USP49: variants seen among roughly 807,000 people sequenced by gnomAD.
The protein encoded by USP49 is ubiquitin specific peptidase 49, also known as ubiquitin carboxyl-terminal hydrolase 49.
A neutral mutation model predicts 58.6 loss-of-function variants in USP49; 24 were observed. The observed-to-expected ratio is 0.41, with a 90% confidence interval of 0.30 to 0.58. USP49 has a LOEUF of 0.58. Ranked by LOEUF, USP49 falls within the 20% of genes least tolerant of loss-of-function variation. The pLI is 0.30. For missense variants in USP49, 703 were observed against 866.1 expected (o/e 0.81, Z 2.36); for synonymous variants, 408 against 365.1 (o/e 1.12, Z -1.34).
chr6:41,805,950 A>T lies in USP49; in HGVS notation c.1034T>A (p.Ile345Asn). 7 of 1,613,776 alleles carry T rather than the reference A, an allele frequency of 4.3e-6. No homozygotes were observed. Among genetic ancestry groups the T allele is most frequent in the Non-Finnish European group, 5.1e-6 (6 of 1,179,992 alleles). ...RASISRSLELIQNKEPSSKHI... is the reference protein window; with the variant it reads ...RASISRSLELNQNKEPSSKHI... The stretch of plus-strand genomic sequence containing the variant: ...CTTTGAACTCGGCTCCTTGTTCTGG[A>T]TGAGCTCCAGACTCCGACTAATGGA... The change falls in exon 4 of 8, where the codon ATC becomes AAC. Residue 345 changes from isoleucine to asparagine, a missense_variant. Ile to Asn is a moderately radical substitution (Grantham distance 149, BLOSUM62 -3). This residue lies in a region of USP49 where 97 missense variants were observed against 88.0 expected (regional missense o/e 1.10). Transcript: ENST00000682992.
At chr6:41,872,052 G>A (rs2127359606) in intron 2 of USP49, among the ~76,000 whole-genome samples, 1 of 152,368 alleles carries the variant, frequency 6.6e-6, no homozygotes, top group South Asian at 2.1e-4. Flanking sequence ...AAGATGGCAT[G>A]AGGTGGTGAC....
chr6:41,827,099 CA>C (rs2127338770), intron 3 of USP49, among the ~76,000 whole-genome samples: 1 of 152,276 alleles, frequency 6.6e-6, no homozygotes, highest in African/African-American at 2.4e-5. Context: ...CAACCAAACT[CA>C]AATACTAGTT....
At chr6:41,802,264 C>T (rs1367148856) in intron 5 of USP49, among the ~76,000 whole-genome samples, 1 of 151,882 alleles carries the variant, frequency 6.6e-6, no homozygotes, top group African/African-American at 2.4e-5. Flanking sequence ...TCAGGCAATC[C>T]TCCTGCCTTG....
intron 3 of USP49, among the ~76,000 whole-genome samples, chr6:41,839,405 A>AG (rs1491194740): frequency 4.4e-4 from 13 of 29,234 alleles, no homozygotes; most frequent in Non-Finnish European, 7.9e-4. Context: ...GCCTTGTCTC[A>AG]AAAAAAAAAA....
chr6:41,815,975 C>A (rs1773342466), intron 3 of USP49, among the ~76,000 whole-genome samples: 1 of 152,232 alleles, frequency 6.6e-6, no homozygotes, highest in Non-Finnish European at 1.5e-5. Flanking sequence ...GCCTGGCATA[C>A]AACACTGGTT....
intron 3 of USP49, among the ~76,000 whole-genome samples, chr6:41,859,659 T>C (rs1221257820): frequency 2.0e-5 from 3 of 152,318 alleles, no homozygotes; most frequent in African/African-American, 7.2e-5. Context: ...TACTTCAGTG[T>C]CCTCTTTGGC....
chr6:41,893,874 C>G (rs976176472), intron 1 of USP49: 5 of 152,042 alleles, frequency 3.3e-5, no homozygotes, highest in Non-Finnish European at 7.4e-5. Context: ...TCCTGCACCC[C>G]CCACCTCTGC....
At position 41,806,834 on chromosome 6, in the gene USP49, A is replaced by C; in HGVS notation, c.150T>G (p.Ile50Met). The C allele has an allele frequency of 6.2e-7, 1 of 1,614,026 alleles. No individual in the cohort carries two copies. Among genetic ancestry groups the C allele is most frequent in the Non-Finnish European group, 8.5e-7 (1 of 1,180,008 alleles). Reference protein sequence around the residue: ...KCSHVACGRYIEDHALKHFEE... With the variant: ...KCSHVACGRYMEDHALKHFEE... ...CAAAGTGTTTCAGGGCGTGGTCCTC[A>C]ATATAGCGGCCGCAGGCCACGTGGG... Residue 50 changes from isoleucine (I) to methionine (M), a missense_variant, in exon 4 of 8, where the codon ATT becomes ATG. Ile to Met is a conservative substitution (Grantham distance 10). Transcript: ENST00000682992. This position sits in a 1 kb window ranked among gnomAD's most constrained non-coding sequence, Gnocchi z 5.9.
chr6:41,815,189 G>A (rs556098330), intron 3 of USP49, among the ~76,000 whole-genome samples: 140 of 152,278 alleles, frequency 9.2e-4, no homozygotes, highest in South Asian at 1.2e-3. Context: ...GGGAGGCCGA[G>A]ACGGGAGGAT....
In USP49 at chr6:41,853,982, A is replaced by G. The variant is rs1305153043; in HGVS notation, c.-29+17582T>C. On this transcript the variant is annotated intron_variant, in intron 3 of 7. Coordinates refer to ENST00000682992, the MANE Select transcript of USP49 (RefSeq NM_001286554.2). The stretch of plus-strand genomic sequence containing the variant: ...CCATTGCACTCCAGCCTGGGCAACA[A>G]CAGCGAGACTCTGTCTCGAAAAAAA... Among the ~76,000 whole-genome samples the G allele has an allele frequency of 4.4e-5, 5 of 113,976 alleles. No homozygotes were observed. In the East Asian group the frequency reaches 1.5e-3, roughly 34 times the overall value. 74.8% of individuals were successfully genotyped at this position (113,976 alleles called of 152,430 possible).
At position 41,865,984 on chromosome 6, in the gene USP49, C is replaced by T. The variant is rs549346788; in HGVS notation, c.-29+5580G>A. Among the ~76,000 whole-genome samples, 10 of 137,056 alleles carry T rather than the reference C, an allele frequency of 7.3e-5. 1 individual carries two copies. In the South Asian group the frequency reaches 1.2e-3, roughly 16 times the overall value. The allele number at this position is 137,056 out of a possible 152,430, so 89.9% of individuals were successfully genotyped here. On this transcript the variant is annotated intron_variant, in intron 3 of 7. Transcript: ENST00000682992. ...GTCGCCAGGATGGAGTGCAGTGGCG[C>T]GATCTCGGCTCACTGCAACCTCCGC...
intron 2 of USP49, among the ~76,000 whole-genome samples, chr6:41,881,274 A>T (rs2127363183): frequency 7.7e-6 from 1 of 129,698 alleles, no homozygotes; most frequent in East Asian, 2.5e-4. Context: ...GTTCAGAAAT[A>T]TGGCATTAAA....
intron 3 of USP49, among the ~76,000 whole-genome samples, chr6:41,808,407 C>CTTT (rs5875774): frequency 1.7e-5 from 2 of 117,550 alleles, no homozygotes; most frequent in Non-Finnish European, 3.4e-5. Context: ...AGCTATACAA[C>CTTT]TTTTTTTTTT....
chr6:41,796,403 T>C lies in USP49; in HGVS notation c.*130A>G, dbSNP rs985972426. The C allele has an allele frequency of 7.0e-6, 4 of 574,680 alleles. No homozygotes were observed. The highest frequency in any genetic ancestry group is 1.3e-5 in the Non-Finnish European group (4 of 315,778). The allele number at this position is 574,680 out of a possible 1,614,324, so 35.6% of individuals were successfully genotyped here. On this transcript the variant is annotated 3_prime_UTR_variant, in exon 8 of 8. Coordinates refer to ENST00000682992, the MANE Select transcript of USP49 (RefSeq NM_001286554.2). ...AATTTACGACAGGACACGAATCACC[T>C]GGCACCTTCTACTCTAGACCCAGCA...
Position 41,806,523 on chromosome 6 carries a change from G to A in USP49, c.461C>T (p.Thr154Met), listed in dbSNP as rs1192963519. The A allele has an allele frequency of 3.8e-6, 6 of 1,599,496 alleles. No homozygotes were observed. The highest frequency in any genetic ancestry group is 4.2e-6 in the Non-Finnish European group (5 of 1,179,356). The change falls in exon 4 of 8, where the codon ACG becomes ATG. Residue 154 changes from threonine to methionine, a missense_variant. Coordinates refer to ENST00000682992, the MANE Select transcript of USP49 (RefSeq NM_001286554.2). The surrounding 1 kb of genome is among the most constrained non-coding windows in gnomAD (Gnocchi z 5.9). The stretch of plus-strand genomic sequence containing the variant: ...GCTCTTCTCGAACCACAGCCGCAGC[G>A]TCCTGGCCAGCAGGCGCTGACGCCG... ...WYRRQRLLAR[T>M]LRLWFEKSSR... is the part of the protein sequence containing the mutation.
In USP49 at chr6:41,803,951, G is replaced by A; in HGVS notation, c.1416C>T (p.Ser472=). ...AGTGATAGCGTTCAGGGAATTCCAG[G>A]GATAGGTCCCAAAAGGGCTCAATGG... ...SNTIEPFWDL[S]LEFPERYHCI... The change falls in exon 5 of 8, where the codon TCC becomes TCT. Residue 472 remains serine, a synonymous_variant. Transcript: ENST00000682992. The surrounding 1 kb of genome is among the most constrained non-coding windows in gnomAD (Gnocchi z 4.1). 3.7e-6 allele frequency: 6 copies of A among 1,614,082 alleles called. No individual in the cohort carries two copies. In the South Asian group the frequency reaches 5.5e-5, roughly 15 times the overall value.
Position 41,883,100 on chromosome 6 carries a change from A to G in USP49, c.-103+8694T>C, listed in dbSNP as rs2127363959. Reference sequence around the variant, plus strand: ...TATGAAGAGGCAAAGGAAAATGGCTAACTAGTATATGAAGAAATGATTAAA... The same window carrying G: ...TATGAAGAGGCAAAGGAAAATGGCTGACTAGTATATGAAGAAATGATTAAA... On this transcript the variant is annotated intron_variant, in intron 2 of 7. Transcript: ENST00000682992. Among the ~76,000 whole-genome samples the G allele has an allele frequency of 1.3e-5, 2 of 152,210 alleles. 1 individual carries two copies. Among genetic ancestry groups the G allele is most frequent in the African/African-American group, 4.8e-5 (2 of 41,532 alleles).
rs1415619600 is a variant in USP49, at chr6:41,805,719, C to T, written c.1265G>A (p.Arg422His). Reference protein sequence around the residue: ...QQELESEGTTRRILIPFSQRK... With the variant: ...QQELESEGTTHRILIPFSQRK... Reference sequence around the variant, plus strand: ...CTGGGAGAAGGGGATGAGGATCCGGCGTGTGGTGCCCTCAGACTCGAGTTC... The same window carrying T: ...CTGGGAGAAGGGGATGAGGATCCGGTGTGTGGTGCCCTCAGACTCGAGTTC... Residue 422 changes from arginine to histidine, a missense_variant, in exon 4 of 8, where the codon CGC (arginine) becomes CAC (histidine). Arg to His is a conservative substitution (Grantham distance 29). Transcript: ENST00000682992. The T allele has an allele frequency of 4.3e-6, 7 of 1,614,084 alleles. No homozygotes were observed. In the Admixed American group the frequency reaches 5.0e-5, roughly 12 times the overall value.
At chr6:41,846,186 T>C (rs980733547) in intron 3 of USP49, among the ~76,000 whole-genome samples, 1 of 151,970 alleles carries the variant, frequency 6.6e-6, no homozygotes, top group African/African-American at 2.4e-5. Flanking sequence ...CATGGTAGCC[T>C]GCACCTGTTA....
Sources: allele counts gnomAD v4.1 joint callset (sites outside exome capture counted in the v4.1 genomes callset), GRCh38; gene constraint gnomAD v4.1.1; regional missense constraint gnomAD v4.1.1; non-coding constraint Gnocchi (gnomAD v3.1); transcripts MANE v1.5; gene names NCBI Gene and HGNC (gene_info 2026-07-23, HGNC 2026-07-21).